RTN1: variants seen among roughly 807,000 people sequenced by gnomAD.
RTN1 encodes the protein reticulon-1.
RTN1 carries 25 observed loss-of-function variants against 65.5 expected under a neutral mutation model. The observed-to-expected ratio is 0.38, with a 90% confidence interval of 0.28 to 0.53. The LOEUF is 0.53. Ranked by LOEUF, RTN1 falls within the 20% of genes least tolerant of loss-of-function variation. The pLI is 0.79. For synonymous variants in RTN1, 471 were observed against 447.6 expected, an observed-to-expected ratio of 1.05 and a Z score of -0.66; for missense variants, 983 against 1,025.4, an observed-to-expected ratio of 0.96 and a Z score of 0.57.
In RTN1 at chr14:59,840,094, A is replaced by G. The variant is rs1043687005; in HGVS notation, c.241+30296T>C. ...CATCATATGCTTTGCCCTTTATTCA[A>G]TGCAGTTCTATTTCTGATTCTATTC... is the stretch of plus-strand genomic sequence containing the variant. On this transcript the variant is annotated intron_variant, in intron 1 of 8. Transcript: ENST00000267484. Among the ~76,000 whole-genome samples, 7 of 151,992 alleles carry G rather than the reference A, an allele frequency of 4.6e-5. No homozygotes were observed. In the East Asian group the frequency reaches 1.4e-3, roughly 30 times the overall value.
At chr14:59,712,202 T>C (rs543074577) in intron 3 of RTN1, among the ~76,000 whole-genome samples, 49 of 152,162 alleles carry the variant, frequency 3.2e-4, no homozygotes, top group Non-Finnish European at 5.6e-4. Flanking sequence ...GGGAGGATTG[T>C]GGAGGGAGCC....
Position 59,820,888 on chromosome 14 carries a change from T to C in RTN1, c.241+49502A>G, listed in dbSNP as rs191077690. Among the ~76,000 whole-genome samples, 615 of 152,360 alleles carry C rather than the reference T, an allele frequency of 4.0e-3. 4 individuals carry two copies. Among genetic ancestry groups the C allele is most frequent in the Admixed American group, 6.5e-3 (100 of 15,302 alleles). The stretch of plus-strand genomic sequence containing the variant: ...TAGTCTGTGTCTGTTTTTGTACCAA[T>C]ACTATGCTGTTTTGTTTACTGTAGT... On this transcript the variant is annotated intron_variant, in intron 1 of 8. Coordinates refer to ENST00000267484, the MANE Select transcript of RTN1 (RefSeq NM_021136.3).
chr14:59,852,845 G>C (rs1887533656), intron 1 of RTN1, among the ~76,000 whole-genome samples: 2 of 152,142 alleles, frequency 1.3e-5, no homozygotes, highest in South Asian at 4.1e-4. Context: ...GCCTGATTTA[G>C]ACTGCTCTTC....
chr14:59,788,267 G>GT (rs1311256431), intron 1 of RTN1, among the ~76,000 whole-genome samples: 4 of 152,004 alleles, frequency 2.6e-5, no homozygotes, highest in Non-Finnish European at 5.9e-5. Context: ...AGTATGTTGG[G>GT]TTTTTTTTCT....
At chr14:59,623,982 T>G (rs1882324757) in intron 3 of RTN1, among the ~76,000 whole-genome samples, 1 of 152,240 alleles carries the variant, frequency 6.6e-6, no homozygotes, top group Admixed American at 6.5e-5. Flanking sequence ...TGACCACATT[T>G]AAAGCATTTT....
intron 3 of RTN1, among the ~76,000 whole-genome samples, chr14:59,703,394 T>G (rs1379452415): frequency 6.6e-6 from 1 of 152,102 alleles, no homozygotes; most frequent in East Asian, 1.9e-4. Flanking sequence ...GAGATCTGAT[T>G]GTTTAAAAGA....
intron 1 of RTN1, among the ~76,000 whole-genome samples, chr14:59,805,133 A>G (rs535796975): frequency 2.6e-5 from 4 of 152,282 alleles, no homozygotes; most frequent in African/African-American, 7.2e-5. Flanking sequence ...GCTTTCCTTC[A>G]TTCAGGTCTC....
chr14:59,854,639 CAAAAAAAAAAAA>C (rs552017689), intron 1 of RTN1, among the ~76,000 whole-genome samples: 2 of 71,788 alleles, frequency 2.8e-5, no homozygotes, highest in African/African-American at 6.8e-5. Flanking sequence ...GACTGCGTCT[CAAAAAAAAAAAA>C]AAAAAAAAAA....
intron 3 of RTN1, among the ~76,000 whole-genome samples, chr14:59,689,892 A>T (rs1883924526): frequency 1.3e-5 from 2 of 152,214 alleles, no homozygotes; most frequent in Admixed American, 1.3e-4. Flanking sequence ...CCTATAAAGC[A>T]GCTACACAAT....
intron 1 of RTN1, among the ~76,000 whole-genome samples, chr14:59,780,659 A>G (rs1425881715): frequency 1.3e-5 from 2 of 152,164 alleles, no homozygotes; most frequent in Non-Finnish European, 2.9e-5. Flanking sequence ...TTTTTTTCCA[A>G]TATAAGGCAA....
intron 1 of RTN1, among the ~76,000 whole-genome samples, chr14:59,753,471 C>A (rs1269579783): frequency 1.3e-5 from 2 of 152,176 alleles, no homozygotes; most frequent in African/African-American, 4.8e-5. Flanking sequence ...AAGAATAATT[C>A]AAATACTTTG....
intron 1 of RTN1, among the ~76,000 whole-genome samples, chr14:59,817,515 G>C (rs1886843832): frequency 1.3e-5 from 2 of 152,084 alleles, no homozygotes; most frequent in African/African-American, 4.8e-5. Flanking sequence ...TCTTTGTAAA[G>C]ACTGTCATGT....
At chr14:59,798,970 T>C (rs752174437) in intron 1 of RTN1, among the ~76,000 whole-genome samples, 39 of 152,316 alleles carry the variant, frequency 2.6e-4, no homozygotes, top group Non-Finnish European at 2.5e-4. Flanking sequence ...TTTGCTAAGA[T>C]CTCTTGAAAA....
At chr14:59,797,070 T>G (rs1886453699) in intron 1 of RTN1, among the ~76,000 whole-genome samples, 1 of 152,218 alleles carries the variant, frequency 6.6e-6, no homozygotes, top group Admixed American at 6.5e-5. Context: ...TTCAGAACTT[T>G]TCCTTCCATC....
chr14:59,675,694 C>A (rs2140218192), intron 3 of RTN1, among the ~76,000 whole-genome samples: 1 of 152,006 alleles, frequency 6.6e-6, no homozygotes, highest in South Asian at 2.1e-4. Context: ...TCTAAAGTCA[C>A]ATCATGTATA....
chr14:59,804,310 G>A (rs1190383561), intron 1 of RTN1, among the ~76,000 whole-genome samples: 1 of 152,008 alleles, frequency 6.6e-6, no homozygotes, highest in East Asian at 1.9e-4. Flanking sequence ...GTACATATGG[G>A]GGATGAATAC....
intron 1 of RTN1, among the ~76,000 whole-genome samples, chr14:59,778,097 T>C (rs951291212): frequency 2.0e-5 from 3 of 152,140 alleles, no homozygotes; most frequent in Admixed American, 1.3e-4. Context: ...AGTACCTCCG[T>C]CTTATCCTCC....
intron 1 of RTN1, among the ~76,000 whole-genome samples, chr14:59,819,809 C>T (rs746400782): frequency 2.0e-5 from 3 of 152,154 alleles, no homozygotes; most frequent in Non-Finnish European, 2.9e-5. Flanking sequence ...AGCTGCTGGC[C>T]CAGGTGCTAA....
chr14:59,656,120 G>A (rs2140203111), intron 3 of RTN1, among the ~76,000 whole-genome samples: 1 of 152,308 alleles, frequency 6.6e-6, no homozygotes, highest in South Asian at 2.1e-4. Flanking sequence ...AAAGAAGCTG[G>A]ATATACAGGT....
Sources: allele counts gnomAD v4.1 joint callset (sites outside exome capture counted in the v4.1 genomes callset), GRCh38; gene constraint gnomAD v4.1.1; transcripts MANE v1.5; gene names NCBI Gene and HGNC (gene_info 2026-07-23, HGNC 2026-07-21).